TPP1: variants seen among roughly 807,000 people sequenced by gnomAD.
TPP1 encodes tripeptidyl peptidase 1.
In TPP1, 43 loss-of-function variants were observed where a neutral mutation model predicts 67.6. The observed-to-expected ratio is 0.64, with a 90% confidence interval of 0.50 to 0.82. The LOEUF (loss-of-function observed/expected upper bound fraction) is 0.82, where lower values mean the gene tolerates loss of function less well. Among genes scored for constraint, TPP1 ranks in the 40% least tolerant of loss-of-function variants. The pLI is 0.00. For synonymous variants in TPP1, 272 were observed against 281.5 expected (o/e 0.97, Z 0.34); for missense variants, 671 against 710.9 (o/e 0.94, Z 0.64).
chr11:6,618,750 A>G, intron 3 of TPP1, 26 bp downstream of exon 3: 2 of 1,612,780 alleles, frequency 1.2e-6, no homozygotes, highest in Non-Finnish European at 1.7e-6. Flanking sequence ...CGCATCCCAC[A>G]TCCTGTCCTC....
chr11:6,613,584 T>C lies in TPP1; in HGVS notation c.*962A>G, dbSNP rs1855529741. 2 of 152,702 alleles carry C rather than the reference T, an allele frequency of 1.3e-5. No individual in the cohort carries two copies. The highest frequency in any genetic ancestry group is 2.4e-5 in the African/African-American group (1 of 41,552). 9.5% of individuals were successfully genotyped at this position (152,702 alleles called of 1,614,324 possible). A position where few individuals can be genotyped will look rare whatever the true frequency, so the allele number is the denominator to read the frequency against. On this transcript the variant is annotated 3_prime_UTR_variant, in exon 13 of 13. Coordinates refer to ENST00000299427, the MANE Select transcript of TPP1 (RefSeq NM_000391.4). ...AGAATATAGCCCTAAACTAAGGTAG[T>C]AGCAGTGGGGATATAAGTGGATAAG...
chr11:6,616,425 G>A lies in TPP1; in HGVS notation c.965C>T (p.Thr322Ile), dbSNP rs773946638. The change falls in exon 8 of 13, where the codon ACT (threonine) becomes ATT (isoleucine). Residue 322 changes from threonine (T) to isoleucine (I), a missense_variant. By Grantham distance (89) the Thr-to-Ile change is moderately conservative (BLOSUM62 -1). Transcript: ENST00000299427. ...SNESALPHVH[T>I]VSYGDDEDSL... The stretch of plus-strand genomic sequence containing the variant: ...GTCCTCATCATCTCCATAGCTCACA[G>A]TATGCACATGTGGCAGGGCTGACTC... 41 of 1,613,858 alleles carry A rather than the reference G, an allele frequency of 2.5e-5. No individual in the cohort carries two copies. The highest frequency in any genetic ancestry group is 3.4e-5 in the Non-Finnish European group (40 of 1,179,996).
chr11:6,619,242 G>A lies in TPP1; in HGVS notation c.43C>T (p.Leu15Phe), dbSNP rs1469618921. 2 of 1,614,192 alleles carry A rather than the reference G, an allele frequency of 1.2e-6. No homozygotes were observed. Among genetic ancestry groups the A allele is most frequent in the Non-Finnish European group, 1.7e-6 (2 of 1,180,030 alleles). ...ACLLGLFALI[L>F]SGKCSYSPEP... is the part of the protein sequence containing the mutation. Reference sequence around the variant, plus strand: ...GGGCTGTAACTGCATTTGCCAGAGAGGATGAGGGCAAAGAGCCCTAGGAGG... The same window carrying A: ...GGGCTGTAACTGCATTTGCCAGAGAAGATGAGGGCAAAGAGCCCTAGGAGG... Residue 15 changes from leucine (L) to phenylalanine (F), a missense_variant, in exon 2 of 13, where the codon CTC (leucine) becomes TTC (phenylalanine). Transcript: ENST00000299427.
Position 6,616,395 on chromosome 11 carries a change from A to G in TPP1, c.995T>C (p.Leu332Pro). The G allele has an allele frequency of 6.2e-7, 1 of 1,613,860 alleles. No individual in the cohort carries two copies. Among genetic ancestry groups the G allele is most frequent in the African/African-American group, 1.3e-5 (1 of 74,984 alleles). The change falls in exon 8 of 13, where the codon CTC becomes CCC. Residue 332 changes from leucine (L) to proline (P), a missense_variant. By Grantham distance (98) the Leu-to-Pro change is moderately conservative. Coordinates refer to ENST00000299427, the MANE Select transcript of TPP1 (RefSeq NM_000391.4). ...GACCCGCTGGATGTAGGCGCTGCTG[A>G]GGGAGTCCTCATCATCTCCATAGCT... Reference protein sequence around the residue: ...TVSYGDDEDSLSSAYIQRVNT... With the variant: ...TVSYGDDEDSPSSAYIQRVNT...
chr11:6,614,338 C>A lies in TPP1; in HGVS notation c.*208G>T. The A allele has an allele frequency of 4.7e-6, 3 of 633,242 alleles. No individual in the cohort carries two copies. The Admixed American group carries it at 8.7e-5, about 18-fold the overall frequency. The allele number at this position is 633,242 out of a possible 1,614,324, so 39.2% of individuals were successfully genotyped here. A position where few individuals can be genotyped will look rare whatever the true frequency, so the allele number is the denominator to read the frequency against. ...TAGTTACAGCATCTTATTGAGGAATCTAAGGCAGGAGTAGGGAGACCTGAG... is the reference window on the plus strand; with the variant it reads ...TAGTTACAGCATCTTATTGAGGAATATAAGGCAGGAGTAGGGAGACCTGAG... On this transcript the variant is annotated 3_prime_UTR_variant, in exon 13 of 13. Transcript: ENST00000299427.
chr11:6,615,577 C>T lies in TPP1; in HGVS notation c.1146-15G>A, dbSNP rs757002437. 7 of 1,613,858 alleles carry T rather than the reference C, an allele frequency of 4.3e-6. No individual in the cohort carries two copies. The highest frequency in any genetic ancestry group is 1.3e-5 in the African/African-American group (1 of 74,878). On this transcript the variant is annotated splice_polypyrimidine_tract_variant and intron_variant, in intron 9 of 12. Transcript: ENST00000299427. ...TGACATAGGGGCTGAGGGGAGAAGA[C>T]AGCATTTGGATAGTAGGGGACCCAA... is the stretch of plus-strand genomic sequence containing the variant.
rs775780584 is a variant in TPP1 at position 6,618,796 on chromosome 11, T to C, written c.209A>G (p.Asp70Gly). The change falls in exon 3 of 13, where the codon GAT becomes GGT. Residue 70 changes from aspartate (D) to glycine (G), a missense_variant. Transcript: ENST00000299427. The part of the protein sequence containing the change: ...RLSELVQAVS[D>G]PSSPQYGKYL... ...GGCACCGTATTGAGGAGAGCTGGGATCCGACACAGCCTGCACCAGCTCCGA... is the reference window on the plus strand; with the variant it reads ...GGCACCGTATTGAGGAGAGCTGGGACCCGACACAGCCTGCACCAGCTCCGA... 1.2e-5 allele frequency: 20 copies of C among 1,613,824 alleles called. No homozygotes were observed. Among genetic ancestry groups the C allele is most frequent in the Middle Eastern group, 3.3e-4 (2 of 6,084 alleles).
Position 6,617,698 on chromosome 11 carries a change from A to T in TPP1, c.308T>A (p.Leu103His). ...GCACTTCTGGGCTCCGGCTGCCAAG[A>T]GCCATTTTTGCACCGTGTGGAGGGT... Reference protein sequence around the residue: ...PLTLHTVQKWLLAAGAQKCHS... With the variant: ...PLTLHTVQKWHLAAGAQKCHS... Residue 103 changes from leucine to histidine, a missense_variant, in exon 4 of 13, where the codon CTC becomes CAC. Transcript: ENST00000299427. The T allele has an allele frequency of 1.2e-6, 2 of 1,614,170 alleles. No individual in the cohort carries two copies. The highest frequency in any genetic ancestry group is 1.7e-6 in the Non-Finnish European group (2 of 1,180,024).
At chr11:6,616,280 T>C (rs1007253293) in intron 8 of TPP1, 35 bp downstream of exon 8, 2 of 1,612,442 alleles carry the variant, frequency 1.2e-6, no homozygotes, top group East Asian at 4.5e-5. Flanking sequence ...GCTGCAGAGG[T>C]GTAAGCATTG....
In TPP1 at chr11:6,617,351, G is replaced by A; in HGVS notation, c.458C>T (p.Ser153Phe). 1 of 1,614,128 alleles carries A rather than the reference G, an allele frequency of 6.2e-7. No individual in the cohort carries two copies. Among genetic ancestry groups the A allele is most frequent in the African/African-American group, 1.3e-5 (1 of 75,008 alleles). Residue 153 changes from serine (S) to phenylalanine (F), a missense_variant, in exon 5 of 13, where the codon TCC becomes TTC. By Grantham distance (155) the Ser-to-Phe change is radical. Transcript: ENST00000299427. ...CTGTGGAAGCTGGTAGGGATGTGGG[G>A]ACCTTACAACATGGGTTTCCGTAGG... ...GGPTETHVVR[S>F]PHPYQLPQAL...
chr11:6,614,647 CCT>C lies in TPP1; in HGVS notation c.1589_1590del (p.Glu530GlyfsTer77). 1.2e-6 allele frequency: 2 copies of C among 1,614,128 alleles called. No homozygotes were observed. Among genetic ancestry groups the C allele is most frequent in the Non-Finnish European group, 1.7e-6 (2 of 1,180,014 alleles). The stretch of plus-strand genomic sequence containing the variant: ...CCAGAGCAGAAACCCTGGCCCTCTA[CCT>C]CTTCATCCAGACAGGACTCATGGCA... ...RGCHESCLDE[E>X]VEGQGFCSGP... On this transcript the variant is annotated frameshift_variant, in exon 13 of 13. Coordinates refer to ENST00000299427, the MANE Select transcript of TPP1 (RefSeq NM_000391.4). LOFTEE classifies it high-confidence loss of function.
chr11:6,619,412 G>A lies in TPP1; in HGVS notation c.-12C>T, dbSNP rs770733577. The A allele has an allele frequency of 4.0e-5, 65 of 1,614,038 alleles. No homozygotes were observed. Among genetic ancestry groups the A allele is most frequent in the Non-Finnish European group, 4.9e-5 (58 of 1,180,024 alleles). On this transcript the variant is annotated 5_prime_UTR_variant, in exon 1 of 13. Transcript: ENST00000299427. ...GCTTGGAGTCCCATTCTGCCCTTCC[G>A]CGGATCTGCTGTCATGTGACGGATC...
At chr11:6,615,381 C>T in intron 10 of TPP1, 52 bp from the exon 11 acceptor site, 1 of 1,614,164 alleles carries the variant, frequency 6.2e-7, no homozygotes, top group South Asian at 1.1e-5. Context: ...CAGCAGTCAG[C>T]TGAACTGAGG....
Position 6,614,948 on chromosome 11 carries a change from T to G in TPP1, c.1469A>C (p.Glu490Ala). The part of the protein sequence containing the change: ...VFGGILSLIN[E>A]HRILSGRPPL... ...GGGGCGGCCACTAAGGATCCTGTGC[T>G]CATTGATCAAGGATAGGATCCCCCC... Residue 490 changes from glutamate (E) to alanine (A), a missense_variant, in exon 12 of 13, where the codon GAG becomes GCG. Glu to Ala is a moderately radical substitution (Grantham distance 107). Transcript: ENST00000299427. The G allele has an allele frequency of 6.2e-7, 1 of 1,614,082 alleles. No homozygotes were observed. Among genetic ancestry groups the G allele is most frequent in the South Asian group, 1.1e-5 (1 of 91,074 alleles).
At chr11:6,616,584 T>C in intron 7 of TPP1, 77 bp downstream of exon 7, 2 of 1,608,642 alleles carry the variant, frequency 1.2e-6, no homozygotes, top group South Asian at 1.1e-5. Flanking sequence ...CTCCAGCTTA[T>C]AGCATTCCCT....
At position 6,614,453 on chromosome 11, in the gene TPP1, G is replaced by A. The variant is rs2134590136; in HGVS notation, c.*93C>T. The stretch of plus-strand genomic sequence containing the variant: ...AAGCTGTCTGCAGCAGTCAATAGTT[G>A]AGGGTTCAGCAGGGCTTCCAACAGG... On this transcript the variant is annotated 3_prime_UTR_variant, in exon 13 of 13. Transcript: ENST00000299427. The A allele has an allele frequency of 6.4e-7, 1 of 1,563,544 alleles. No individual in the cohort carries two copies. The highest frequency in any genetic ancestry group is 1.1e-5 in the South Asian group (1 of 89,088).
chr11:6,614,874 G>A lies in TPP1; in HGVS notation c.1543C>T (p.Leu515Phe), dbSNP rs748345018. Residue 515 changes from leucine to phenylalanine, a missense_variant, in exon 12 of 13, where the codon CTC becomes TTC. Physicochemically the swap from Leu to Phe is conservative, Grantham distance 22. Coordinates refer to ENST00000299427, the MANE Select transcript of TPP1 (RefSeq NM_000391.4). ...TTCCCTTCCATACTTACATCAAAGA[G>A]TCCTGCCCCATGCTGCTGGTAGAGC... is the stretch of plus-strand genomic sequence containing the variant. Reference protein sequence around the residue: ...PRLYQQHGAGLFDVTRGCHES... With the variant: ...PRLYQQHGAGFFDVTRGCHES... 109 of 1,613,958 alleles carry A rather than the reference G, an allele frequency of 6.8e-5. No homozygotes were observed. In the South Asian group the frequency reaches 6.8e-4, roughly 10 times the overall value.
At chr11:6,617,499 G>A (rs1022548597) in intron 4 of TPP1, 71 bp from the exon 5 acceptor site, 2 of 1,613,254 alleles carry the variant, frequency 1.2e-6, no homozygotes, top group Admixed American at 1.7e-5. Context: ...GCATCCCTGG[G>A]CAGTCAGTCA....
At chr11:6,616,618 A>G (rs1035631951) in intron 7 of TPP1, 43 bp downstream of exon 7, 4 of 1,611,014 alleles carry the variant, frequency 2.5e-6, no homozygotes, top group Admixed American at 3.3e-5. Flanking sequence ...ATCAACACCC[A>G]TCTCCCACCC....
Sources: allele counts gnomAD v4.1 joint callset, GRCh38; gene constraint gnomAD v4.1.1; transcripts MANE v1.5; gene names NCBI Gene and HGNC (gene_info 2026-07-23, HGNC 2026-07-21).